FARP1: variants seen among roughly 807,000 people sequenced by gnomAD.
FARP1 encodes FERM, ARHGEF and pleckstrin domain-containing protein 1.
In FARP1, 52 loss-of-function variants were observed where a neutral mutation model predicts 128.8. That is an observed-to-expected ratio of 0.40 (90% CI 0.32 to 0.51). FARP1 has a LOEUF of 0.51. Ranked by LOEUF, FARP1 falls within the 20% of genes least tolerant of loss-of-function variation. The pLI, the probability that FARP1 is intolerant of heterozygous loss-of-function variation, is 0.45. For synonymous variants in FARP1, 580 were observed against 551.8 expected (o/e 1.05, Z -0.72); for missense variants, 1,333 against 1,367.9 (o/e 0.97, Z 0.40).
chr13:98,383,216 C>T (rs1416133796), intron 6 of FARP1, among the ~76,000 whole-genome samples: 2 of 152,164 alleles, frequency 1.3e-5, no homozygotes, highest in African/African-American at 4.8e-5. Flanking sequence ...TGCAGAGAAG[C>T]CAGGCCCTCT....
At chr13:98,243,906 A>AT (rs1882920120) in intron 2 of FARP1, among the ~76,000 whole-genome samples, 1 of 152,074 alleles carries the variant, frequency 6.6e-6, no homozygotes, top group Non-Finnish European at 1.5e-5. Flanking sequence ...TTTCAGTGTA[A>AT]TTTTAAGCCA....
intron 1 of FARP1, among the ~76,000 whole-genome samples, chr13:98,160,459 A>C (rs1291189136): frequency 1.3e-5 from 2 of 152,202 alleles, no homozygotes; most frequent in African/African-American, 4.8e-5. Context: ...AGGCTTTAAA[A>C]AAAATTTAAA....
chr13:98,207,458 G>C (rs569653008), intron 1 of FARP1, among the ~76,000 whole-genome samples: 1 of 152,090 alleles, frequency 6.6e-6, no homozygotes, highest in Admixed American at 6.6e-5. Context: ...GGTAGGACAA[G>C]GAGAAGATAT....
At chr13:98,275,894 A>G (rs1484618552) in intron 2 of FARP1, among the ~76,000 whole-genome samples, 1 of 152,202 alleles carries the variant, frequency 6.6e-6, no homozygotes, top group Admixed American at 6.5e-5. Context: ...TGATTTCTTA[A>G]TGCATTTTTG....
intron 2 of FARP1, among the ~76,000 whole-genome samples, chr13:98,298,173 A>G (rs891068116): frequency 4.6e-5 from 7 of 152,226 alleles, no homozygotes; most frequent in African/African-American, 1.4e-4. Flanking sequence ...TCTGTCCTCT[A>G]TCAGGCATTA....
intron 19 of FARP1, among the ~76,000 whole-genome samples, chr13:98,438,272 A>G (rs1421976388): frequency 1.3e-5 from 2 of 152,036 alleles, no homozygotes; most frequent in African/African-American, 2.4e-5. Flanking sequence ...GTTTTCAATC[A>G]TGGAGAAGCT....
chr13:98,175,532 AATT>A (rs1257522062), intron 1 of FARP1, among the ~76,000 whole-genome samples: 3 of 151,508 alleles, frequency 2.0e-5, no homozygotes, highest in Admixed American at 6.6e-5. Context: ...TGAAAAAAAA[AATT>A]AATTATAGTA....
chr13:98,245,193 T>C, intron 2 of FARP1: 1 of 988,636 alleles, frequency 1.0e-6, no homozygotes, highest in Non-Finnish European at 1.2e-6. Flanking sequence ...ATTTACCATA[T>C]TACTGTGTTC....
intron 2 of FARP1, among the ~76,000 whole-genome samples, chr13:98,300,460 G>C (rs1431463516): frequency 6.6e-6 from 1 of 152,226 alleles, no homozygotes; most frequent in Non-Finnish European, 1.5e-5. Flanking sequence ...TGGTACCCAG[G>C]ATGTCCGCGT....
chr13:98,171,120 A>C (rs1252900516), intron 1 of FARP1, among the ~76,000 whole-genome samples: 1 of 152,234 alleles, frequency 6.6e-6, no homozygotes, highest in Non-Finnish European at 1.5e-5. Flanking sequence ...GGGACTGTGG[A>C]GGTTTCCTGG....
chr13:98,355,930 TTTA>T (rs1166434511), intron 3 of FARP1, among the ~76,000 whole-genome samples: 1 of 152,240 alleles, frequency 6.6e-6, no homozygotes, highest in African/African-American at 2.4e-5. Context: ...CAATTGTTGC[TTTA>T]TTATTGAATT....
In FARP1 at chr13:98,354,262, C is replaced by CT. The variant is rs760679602; in HGVS notation, c.276+10402dup. On this transcript the variant is annotated intron_variant, in intron 3 of 26. Coordinates refer to ENST00000319562, the MANE Select transcript of FARP1 (RefSeq NM_005766.4). The stretch of plus-strand genomic sequence containing the variant: ...TCTTTAATTTCTTTTTCATTTAAAG[C>CT]TTTTTTGGTAAATACGTAAAACCAT... Among the ~76,000 whole-genome samples, 316 of 152,182 alleles carry CT rather than the reference C, an allele frequency of 2.1e-3. 2 individuals are homozygous for CT. The highest frequency in any genetic ancestry group is 3.9e-3 in the Non-Finnish European group (268 of 67,992).
At position 98,395,394 on chromosome 13, in the gene FARP1, C is replaced by T; in HGVS notation, c.1332C>T (p.Ala444=). 6.2e-7 allele frequency: 1 copy of T among 1,611,618 alleles called. No individual in the cohort carries two copies. The highest frequency in any genetic ancestry group is 8.5e-7 in the Non-Finnish European group (1 of 1,178,960). Reference sequence around the variant, plus strand: ...GTAACAAGCAGGCGGACGGAGCCGCCTCGGCGCCCACGGAGGAAGAGGAGG... The same window carrying T: ...GTAACAAGCAGGCGGACGGAGCCGCTTCGGCGCCCACGGAGGAAGAGGAGG... The part of the protein sequence containing the change: ...PAGNKQADGA[A]SAPTEEEEEV... Residue 444 remains alanine (A), a synonymous_variant, in exon 13 of 27, where the codon GCC becomes GCT. Transcript: ENST00000319562.
At chr13:98,405,937 G>C (rs1890954901) in intron 13 of FARP1, 1 of 152,190 alleles carries the variant, frequency 6.6e-6, no homozygotes, top group Non-Finnish European at 1.5e-5. Context: ...GTGTAAACAA[G>C]CTTTATAATG....
intron 1 of FARP1, among the ~76,000 whole-genome samples, chr13:98,163,335 G>T (rs191085920): frequency 6.6e-6 from 1 of 152,114 alleles, no homozygotes; most frequent in Admixed American, 6.6e-5. Flanking sequence ...GGTGGCAGGA[G>T]GGGGAGGAGC....
intron 18 of FARP1, chr13:98,435,364 T>TA (rs1296229194): frequency 2.1e-6 from 1 of 479,958 alleles, no homozygotes; most frequent in Non-Finnish European, 3.6e-6. Flanking sequence ...AGGGGTCACT[T>TA]AGTTTTAAGA....
intron 3 of FARP1, among the ~76,000 whole-genome samples, chr13:98,350,486 A>G (rs1445798040): frequency 6.6e-6 from 1 of 152,006 alleles, no homozygotes; most frequent in Non-Finnish European, 1.5e-5. Flanking sequence ...GTGTCAATCC[A>G]TTATCATTCA....
chr13:98,230,201 G>A (rs1882034373), intron 2 of FARP1, among the ~76,000 whole-genome samples: 1 of 152,184 alleles, frequency 6.6e-6, no homozygotes. Flanking sequence ...ATAATTACAT[G>A]TTAACATTAC....
chr13:98,350,298 T>C (rs1291717457), intron 3 of FARP1, among the ~76,000 whole-genome samples: 2 of 152,164 alleles, frequency 1.3e-5, no homozygotes, highest in African/African-American at 4.8e-5. Flanking sequence ...GGGCTTTTAG[T>C]GTTTTGTTTG....
Sources: allele counts gnomAD v4.1 joint callset (sites outside exome capture counted in the v4.1 genomes callset), GRCh38; gene constraint gnomAD v4.1.1; transcripts MANE v1.5; gene names NCBI Gene and HGNC (gene_info 2026-07-23, HGNC 2026-07-21).